Variants in PHF21B observed in about 807,000 individuals in gnomAD.
PHF21B encodes the protein PHD finger protein 21B, also known as PHD finger protein 4.
A neutral mutation model predicts 62.2 loss-of-function variants in PHF21B; 22 were observed. The ratio of observed to expected loss-of-function variants is 0.35; its 90% CI spans 0.25 to 0.51. The LOEUF (loss-of-function observed/expected upper bound fraction) is 0.51, where lower values mean the gene tolerates loss of function less well. PHF21B is among the 20% of genes least tolerant of loss of function. PHF21B has a pLI of 0.97. For missense variants in PHF21B, 701 were observed against 707.9 expected (o/e 0.99, Z 0.11); for synonymous variants, 341 against 314.7 (o/e 1.08, Z -0.88).
rs577724070 is a variant in PHF21B at position 44,934,089 on chromosome 22, C to T, written c.121-13599G>A. ...TTGACCTCTGCTTCCTCTCCTCTGACGTGGGCATGGCAGCCCGTCCCCTCC... is the reference window on the plus strand; with the variant it reads ...TTGACCTCTGCTTCCTCTCCTCTGATGTGGGCATGGCAGCCCGTCCCCTCC... On this transcript the variant is annotated intron_variant, in intron 2 of 12. Transcript: ENST00000313237. Among the ~76,000 whole-genome samples the T allele has an allele frequency of 2.1e-3, 323 of 152,330 alleles. 3 individuals carry two copies. Among genetic ancestry groups the T allele is most frequent in the African/African-American group, 7.6e-3 (314 of 41,574 alleles).
chr22:44,947,359 C>T (rs1328879696), intron 2 of PHF21B, among the ~76,000 whole-genome samples: 2 of 152,210 alleles, frequency 1.3e-5, no homozygotes, highest in Non-Finnish European at 2.9e-5. Context: ...TTAAGCAGAC[C>T]GACGCATGGG....
At chr22:45,006,807 G>A (rs1359690169) in intron 2 of PHF21B, among the ~76,000 whole-genome samples, 2 of 151,480 alleles carry the variant, frequency 1.3e-5, no homozygotes, top group East Asian at 3.9e-4. Context: ...AGTGAAAAAA[G>A]GGCTTAGTAA....
At chr22:44,966,299 T>C (rs1424317936) in intron 2 of PHF21B, among the ~76,000 whole-genome samples, 1 of 152,190 alleles carries the variant, frequency 6.6e-6, no homozygotes, top group Non-Finnish European at 1.5e-5. Context: ...ACCCGGAGTC[T>C]CCAGCCCCTT....
chr22:44,963,565 G>A lies in PHF21B; in HGVS notation c.121-43075C>T, dbSNP rs114074499. Among the ~76,000 whole-genome samples the A allele has an allele frequency of 5.4e-3, 818 of 152,286 alleles. 14 individuals carry two copies. The highest frequency in any genetic ancestry group is 0.018 in the African/African-American group (762 of 41,542). On this transcript the variant is annotated intron_variant, in intron 2 of 12. Transcript: ENST00000313237. Reference sequence around the variant, plus strand: ...CCAGCAAGAAGTGGGGCTGAAGGACGAAAGAAGAGAACGGATAAGAAGATG... The same window carrying A: ...CCAGCAAGAAGTGGGGCTGAAGGACAAAAGAAGAGAACGGATAAGAAGATG...
At chr22:44,943,003 C>A (rs971579600) in intron 2 of PHF21B, among the ~76,000 whole-genome samples, 15 of 151,402 alleles carry the variant, frequency 9.9e-5, no homozygotes, top group East Asian at 3.9e-4. Context: ...GGACCCCCCC[C>A]CCCCCATCCT....
At chr22:44,912,157 AT>A (rs886930642) in intron 5 of PHF21B, among the ~76,000 whole-genome samples, 36 of 152,326 alleles carry the variant, frequency 2.4e-4, no homozygotes, top group African/African-American at 8.2e-4. Flanking sequence ...CCCTCATTGT[AT>A]TTAGGAAGTA....
chr22:44,917,042 G>T (rs950044173), intron 3 of PHF21B, among the ~76,000 whole-genome samples: 1 of 152,238 alleles, frequency 6.6e-6, no homozygotes, highest in Admixed American at 6.5e-5. Flanking sequence ...ACTGGGAGGG[G>T]CTTCGAGGGC....
chr22:44,954,036 AC>A (rs966896737), intron 2 of PHF21B, among the ~76,000 whole-genome samples: 135 of 152,068 alleles, frequency 8.9e-4, no homozygotes, highest in African/African-American at 2.9e-3. Context: ...CTCAGAGCAG[AC>A]CCCCAGTGGG....
At chr22:44,979,584 G>A (rs537264495) in intron 2 of PHF21B, among the ~76,000 whole-genome samples, 13 of 152,306 alleles carry the variant, frequency 8.5e-5, no homozygotes, top group East Asian at 3.9e-4. Flanking sequence ...CGTGCCCAGC[G>A]CCGTGGCAGC....
At chr22:44,957,845 C>G (rs1445130446) in intron 2 of PHF21B, among the ~76,000 whole-genome samples, 1 of 152,058 alleles carries the variant, frequency 6.6e-6, no homozygotes, top group Non-Finnish European at 1.5e-5. Context: ...ATTCTAAACC[C>G]GTTCAGGCCT....
Position 44,896,097 on chromosome 22 carries a change from C to T in PHF21B, c.832-14G>A. ...GAAGGCGATTTTCTGAGGGAAGGAA[C>T]AGACAAAGGAGCATTAACACAACCG... On this transcript the variant is annotated splice_polypyrimidine_tract_variant and intron_variant, in intron 5 of 12. Transcript: ENST00000313237. The T allele has an allele frequency of 2.5e-6, 4 of 1,612,920 alleles. No homozygotes were observed. Among genetic ancestry groups the T allele is most frequent in the Non-Finnish European group, 3.4e-6 (4 of 1,179,950 alleles).
intron 2 of PHF21B, among the ~76,000 whole-genome samples, chr22:44,984,857 G>A (rs1384690036): frequency 6.6e-6 from 1 of 152,208 alleles, no homozygotes; most frequent in African/African-American, 2.4e-5. Context: ...AAGAGGAACG[G>A]ACGGCACCCT....
At chr22:44,920,326 C>T in intron 3 of PHF21B, 72 bp downstream of exon 3, 1 of 1,316,206 alleles carries the variant, frequency 7.6e-7, no homozygotes, top group Non-Finnish European at 1.0e-6. Flanking sequence ...AACCTCAGTG[C>T]TGAGGGGTTA....
At chr22:44,957,249 G>A (rs1452533337) in intron 2 of PHF21B, among the ~76,000 whole-genome samples, 4 of 152,234 alleles carry the variant, frequency 2.6e-5, no homozygotes, top group East Asian at 1.9e-4. Context: ...AGCCTCAGAG[G>A]GTCAGGCACC....
chr22:44,887,769 A>G (rs2147248346), intron 10 of PHF21B, among the ~76,000 whole-genome samples, 194 bp downstream of exon 10: 1 of 152,120 alleles, frequency 6.6e-6, no homozygotes, highest in South Asian at 2.1e-4. Flanking sequence ...AAAAAAAAAA[A>G]AAAAAAATCC....
intron 2 of PHF21B, among the ~76,000 whole-genome samples, chr22:44,937,398 G>A (rs1034497632): frequency 6.6e-6 from 1 of 152,220 alleles, no homozygotes; most frequent in Non-Finnish European, 1.5e-5. Context: ...CTCAGCACAG[G>A]TGCAGGCCGC....
chr22:44,997,829 G>A (rs2073147681), intron 2 of PHF21B, among the ~76,000 whole-genome samples: 1 of 152,066 alleles, frequency 6.6e-6, no homozygotes, highest in Admixed American at 6.5e-5. Flanking sequence ...TTCACCCAGG[G>A]GCGGCCTCCT....
intron 2 of PHF21B, among the ~76,000 whole-genome samples, chr22:44,956,138 T>A (rs2072292509): frequency 6.6e-6 from 1 of 152,180 alleles, no homozygotes; most frequent in African/African-American, 2.4e-5. Flanking sequence ...GGAGATGCTC[T>A]GTGTGCTCTG....
chr22:44,946,293 C>T (rs2072069451), intron 2 of PHF21B, among the ~76,000 whole-genome samples: 1 of 148,328 alleles, frequency 6.7e-6, no homozygotes, highest in African/African-American at 2.6e-5. Context: ...CCTGACACCC[C>T]CAAACGAGGC....
Sources: allele counts gnomAD v4.1 joint callset (sites outside exome capture counted in the v4.1 genomes callset), GRCh38; gene constraint gnomAD v4.1.1; transcripts MANE v1.5; gene names NCBI Gene and HGNC (gene_info 2026-07-23, HGNC 2026-07-21).